TLR1: variants seen among roughly 807,000 people sequenced by gnomAD.
The protein encoded by TLR1 is toll like receptor 1, also known as toll-like receptor 1.
A neutral mutation model predicts 20.2 loss-of-function variants in TLR1; 19 were observed. That is an observed-to-expected ratio of 0.94 (90% CI 0.66 to 1.38). TLR1 has a LOEUF of 1.38. Among genes scored for constraint, TLR1 ranks in the 40% most tolerant of loss-of-function variants. The probability of loss-of-function intolerance (pLI) is 0.00; values close to 1 mark genes in which losing one functional copy is unlikely to be tolerated. For missense variants in TLR1, 921 were observed against 910.0 expected (o/e 1.01, Z -0.16); for synonymous variants, 320 against 334.5 (o/e 0.96, Z 0.47).
upstream of TLR1, chr4:38,804,882 C>A (rs540426659): frequency 6.6e-6 from 1 of 152,174 alleles, no homozygotes; most frequent in African/African-American, 2.4e-5. Context: ...TTTTATGCCA[C>A]CTACCGAATT....
chr4:38,796,988 T>G lies in TLR1; in HGVS notation c.1844A>C (p.Gln615Pro). 1.9e-6 allele frequency: 3 copies of G among 1,614,192 alleles called. No homozygotes were observed. Among genetic ancestry groups the G allele is most frequent in the Non-Finnish European group, 2.5e-6 (3 of 1,180,030 alleles). The change falls in exon 4 of 4, where the codon CAG becomes CCG. Residue 615 changes from glutamine to proline, a missense_variant. By Grantham distance (76) the Gln-to-Pro change is moderately conservative. Transcript: ENST00000308979. ...GGCCCTGCGCCGGGTCTGGGTCCAC[T>G]GGCACACCATCCTGAGATACCAGGG... is the stretch of plus-strand genomic sequence containing the variant. ...DLPWYLRMVC[Q>P]WTQTRRRARN...
chr4:38,791,956 T>C (rs1379878498), downstream of TLR1, among the ~76,000 whole-genome samples: 1 of 152,202 alleles, frequency 6.6e-6, no homozygotes, highest in Non-Finnish European at 1.5e-5. Flanking sequence ...TCCGAGATGC[T>C]TCTCTTCCCC....
rs1185128305 is a variant in TLR1, at chr4:38,796,755, A to T, written c.2077T>A (p.Ser693Thr). The T allele has an allele frequency of 6.2e-7, 1 of 1,614,184 alleles. No individual in the cohort carries two copies. The highest frequency in any genetic ancestry group is 8.5e-7 in the Non-Finnish European group (1 of 1,180,042). The change falls in exon 4 of 4, where the codon TCC becomes ACC. Residue 693 changes from serine to threonine, a missense_variant. Coordinates refer to ENST00000308979, the MANE Select transcript of TLR1 (RefSeq NM_003263.4). ...AAGTTGGGAGACAAAACAAAGATGG[A>T]CTTGTAACTCTTCTCAATGCAGGTG... is the stretch of plus-strand genomic sequence containing the variant. ...IITCIEKSYK[S>T]IFVLSPNFVQ... is the part of the protein sequence containing the mutation.
In TLR1 at chr4:38,798,712, A is replaced by G; in HGVS notation, c.120T>C (p.Pro40=). 6.2e-7 allele frequency: 1 copy of G among 1,613,894 alleles called. No individual in the cohort carries two copies. Among genetic ancestry groups the G allele is most frequent in the South Asian group, 1.1e-5 (1 of 91,044 alleles). ...DRSKNGLIHV[P]KDLSQKTTIL... ...TTGTTGTTTTCTGGGATAGGTCTTT[A>G]GGAACGTGGATGAGACCGTTTTTTG... Residue 40 remains proline (P), a synonymous_variant, in exon 4 of 4, where the codon CCT becomes CCC. Transcript: ENST00000308979.
chr4:38,789,163 A>G (rs1425338774), downstream of TLR1, among the ~76,000 whole-genome samples: 1 of 152,208 alleles, frequency 6.6e-6, no homozygotes. Context: ...ACACTTTACA[A>G]TGAATGGTAT....
At chr4:38,788,413 C>T (rs2109333163), downstream of TLR1, among the ~76,000 whole-genome samples, 1 of 152,306 alleles carries the variant, frequency 6.6e-6, no homozygotes, top group East Asian at 1.9e-4. Context: ...TAGCATTGCT[C>T]TTAGGCAGAA....
chr4:38,796,883 CAGAA>C lies in TLR1; in HGVS notation c.1945_1948del (p.Phe649GlyfsTer2), dbSNP rs968802589. ...GTTTGGCAATAATTCATTCTTCACC[CAGAA>C]AGAATCGTGCCCACTATATGAAATA... On this transcript the variant is annotated frameshift_variant, in exon 4 of 4. Transcript: ENST00000308979. LOFTEE classifies it high-confidence loss of function. 2.5e-6 allele frequency: 4 copies of C among 1,614,088 alleles called. No individual in the cohort carries two copies. The African/African-American group carries it at 5.3e-5, about 22-fold the overall frequency.
intron 3 of TLR1, among the ~76,000 whole-genome samples, chr4:38,799,579 A>G (rs1382936125): frequency 6.6e-6 from 1 of 152,222 alleles, no homozygotes; most frequent in African/African-American, 2.4e-5. Context: ...AGGTGGGTTC[A>G]TAGAAAGTTT....
downstream of TLR1, chr4:38,794,635 G>GAAAA (rs72449147): frequency 3.9e-3 from 472 of 121,076 alleles, 6 homozygotes; most frequent in South Asian, 0.031. Context: ...AGACCTAATG[G>GAAAA]AAAAAAAAAA....
In TLR1 at chr4:38,797,280, A is replaced by C; in HGVS notation, c.1552T>G (p.Ser518Ala). The change falls in exon 4 of 4, where the codon TCA becomes GCA. Residue 518 changes from serine (S) to alanine (A), a missense_variant. Transcript: ENST00000308979. Reference sequence around the variant, plus strand: ...AATGGATTGTCCCCTGCTTTTATTGACCTCATCTTCTGGCAGCTCTGGAAG... The same window carrying C: ...AATGGATTGTCCCCTGCTTTTATTGCCCTCATCTTCTGGCAGCTCTGGAAG... ...DFFQSCQKMR[S>A]IKAGDNPFQC... 6.2e-7 allele frequency: 1 copy of C among 1,614,086 alleles called. No individual in the cohort carries two copies. Among genetic ancestry groups the C allele is most frequent in the Non-Finnish European group, 8.5e-7 (1 of 1,180,006 alleles).
chr4:38,795,023 A>G (rs1158534903), downstream of TLR1, among the ~76,000 whole-genome samples: 1 of 152,248 alleles, frequency 6.6e-6, no homozygotes, highest in African/African-American at 2.4e-5. Flanking sequence ...AAGAATGGAA[A>G]GTCAATGCAA....
chr4:38,801,144 T>C (rs1726613829), intron 2 of TLR1, among the ~76,000 whole-genome samples, 196 bp from the exon 3 acceptor site: 1 of 152,206 alleles, frequency 6.6e-6, no homozygotes, highest in African/African-American at 2.4e-5. Flanking sequence ...CCTGTGAAAT[T>C]CTTATGTTGA....
Position 38,796,512 on chromosome 4 carries a change from C to T in TLR1, c.2320G>A (p.Ala774Thr). 1.2e-6 allele frequency: 2 copies of T among 1,613,758 alleles called. No individual in the cohort carries two copies. The highest frequency in any genetic ancestry group is 1.7e-6 in the Non-Finnish European group (2 of 1,179,752). The change falls in exon 4 of 4, where the codon GCA (alanine) becomes ACA (threonine). Residue 774 changes from alanine to threonine, a missense_variant. Coordinates refer to ENST00000308979, the MANE Select transcript of TLR1 (RefSeq NM_003263.4). Reference sequence around the variant, plus strand: ...TCTGTCAGCTTAATATTAATGGCTGCCCTTAAGTTAGCCCAAAAAAGGCCA... The same window carrying T: ...TCTGTCAGCTTAATATTAATGGCTGTCCTTAAGTTAGCCCAAAAAAGGCCA... ...KRGLFWANLR[A>T]AINIKLTEQA...
chr4:38,796,121 T>C (rs1453776703), downstream of TLR1: 15 of 223,244 alleles, frequency 6.7e-5, no homozygotes, highest in African/African-American at 1.4e-4. Context: ...CCCAGCTATA[T>C]TCACAAAAGT....
chr4:38,796,394 T>A lies in TLR1; in HGVS notation c.*77A>T. 1 of 1,507,350 alleles carries A rather than the reference T, an allele frequency of 6.6e-7. No homozygotes were observed. Among genetic ancestry groups the A allele is most frequent in the Non-Finnish European group, 9.0e-7 (1 of 1,110,386 alleles). 93.4% of individuals were successfully genotyped at this position (1,507,350 alleles called of 1,614,324 possible). A position where few individuals can be genotyped will look rare whatever the true frequency, so the allele number is the denominator to read the frequency against. On this transcript the variant is annotated 3_prime_UTR_variant, in exon 4 of 4. Coordinates refer to ENST00000308979, the MANE Select transcript of TLR1 (RefSeq NM_003263.4). ...ACAATTGTGTTTACATCTATGCTGATGCAAAATAAAGTCATTGTTGGAACT... is the reference window on the plus strand; with the variant it reads ...ACAATTGTGTTTACATCTATGCTGAAGCAAAATAAAGTCATTGTTGGAACT...
chr4:38,802,950 AAGAG>A (rs376540821), intron 2 of TLR1, among the ~76,000 whole-genome samples: 1 of 150,704 alleles, frequency 6.6e-6, no homozygotes, highest in Non-Finnish European at 1.5e-5. Flanking sequence ...CAGCCAGAGA[AAGAG>A]AGAGAGAGAG....
chr4:38,800,565 G>A (rs1013660327), intron 3 of TLR1: 1 of 152,094 alleles, frequency 6.6e-6, no homozygotes, highest in Admixed American at 6.5e-5. Flanking sequence ...AGGGAGCTGT[G>A]TTGGGATGAA....
chr4:38,792,672 A>G (rs2109336340), downstream of TLR1, among the ~76,000 whole-genome samples: 1 of 152,108 alleles, frequency 6.6e-6, no homozygotes, highest in East Asian at 1.9e-4. Context: ...GTTGTACAAT[A>G]TGTCATTAAA....
At position 38,797,717 on chromosome 4, in the gene TLR1, G is replaced by A. The variant is rs1726223989; in HGVS notation, c.1115C>T (p.Thr372Ile). Residue 372 changes from threonine (T) to isoleucine (I), a missense_variant, in exon 4 of 4, where the codon ACT becomes ATT. Thr to Ile is a moderately conservative substitution (Grantham distance 89, BLOSUM62 -1). Transcript: ENST00000308979. ...DTVFENCGHL[T>I]ELETLILQMN... is the part of the protein sequence containing the mutation. ...TTGTAAAATAAGTGTCTCCAACTCAGTAAGGTGCCCACAATTTTCAAAAAC... is the reference window on the plus strand; with the variant it reads ...TTGTAAAATAAGTGTCTCCAACTCAATAAGGTGCCCACAATTTTCAAAAAC... The A allele has an allele frequency of 6.2e-7, 1 of 1,613,848 alleles. No homozygotes were observed. Among genetic ancestry groups the A allele is most frequent in the Non-Finnish European group, 8.5e-7 (1 of 1,179,974 alleles).
Sources: gnomAD v4.1 joint callset for allele counts (sites outside exome capture counted in the v4.1 genomes callset) on GRCh38, gnomAD v4.1.1 for gene constraint, MANE v1.5 for transcripts, NCBI Gene and HGNC (gene_info 2026-07-23, HGNC 2026-07-21) for gene names.